Variants in SLX9 observed in about 807,000 individuals in gnomAD.
SLX9 encodes the protein SLX9 ribosome biogenesis factor.
A neutral mutation model predicts 20.8 loss-of-function variants in SLX9; 19 were observed. The observed-to-expected ratio is 0.91, with a 90% CI of 0.64 to 1.34. The LOEUF is 1.34. Among genes scored for constraint, SLX9 ranks in the 40% most tolerant of loss-of-function variants. The pLI is 0.00. For missense variants in SLX9, 299 were observed against 322.2 expected, an observed-to-expected ratio of 0.93 and a Z score of 0.55; for synonymous variants, 113 against 137.1, an observed-to-expected ratio of 0.82 and a Z score of 1.23.
chr21:44,958,864 T>C (rs2146647597), intron 2 of SLX9, among the ~76,000 whole-genome samples: 1 of 152,362 alleles, frequency 6.6e-6, no homozygotes, highest in Middle Eastern at 3.4e-3. Flanking sequence ...ATCACTGTGC[T>C]GTGTTCCTGA....
At chr21:44,974,753 A>G (rs2085231310) in intron 5 of SLX9, among the ~76,000 whole-genome samples, 1 of 152,056 alleles carries the variant, frequency 6.6e-6, no homozygotes, top group South Asian at 2.1e-4. Flanking sequence ...TTCTCTGTTT[A>G]TGAACTGAGT....
intron 5 of SLX9, among the ~76,000 whole-genome samples, chr21:44,974,268 T>C (rs1227080337): frequency 6.6e-6 from 1 of 152,216 alleles, no homozygotes; most frequent in African/African-American, 2.4e-5. Context: ...CCGAGGCCCA[T>C]TGTGCCTTTC....
At chr21:44,949,295 T>G (rs1220264008) in intron 2 of SLX9, among the ~76,000 whole-genome samples, 1 of 151,384 alleles carries the variant, frequency 6.6e-6, no homozygotes, top group Admixed American at 6.6e-5. Context: ...GATCAGGGAG[T>G]GGATTGTGGG....
intron 4 of SLX9, among the ~76,000 whole-genome samples, chr21:44,969,756 G>A (rs909684806): frequency 6.6e-6 from 1 of 152,140 alleles, no homozygotes; most frequent in Admixed American, 6.5e-5. Flanking sequence ...GTAATTAATA[G>A]TTAACTAAAG....
intron 2 of SLX9, among the ~76,000 whole-genome samples, chr21:44,955,361 G>C (rs1182784602): frequency 6.6e-6 from 1 of 152,204 alleles, no homozygotes; most frequent in Admixed American, 6.5e-5. Context: ...TCGCCCACCA[G>C]CGCTCCGAGG....
intron 2 of SLX9, among the ~76,000 whole-genome samples, chr21:44,959,837 C>T (rs2084922669): frequency 6.6e-6 from 1 of 152,198 alleles, no homozygotes; most frequent in Non-Finnish European, 1.5e-5. Flanking sequence ...GTTGGGACAC[C>T]TGCTTTCCGG....
intron 2 of SLX9, among the ~76,000 whole-genome samples, chr21:44,948,076 C>T (rs988468320): frequency 2.0e-5 from 3 of 152,274 alleles, no homozygotes; most frequent in African/African-American, 7.2e-5. Context: ...GCCTGGCAGC[C>T]GGCCGGGTGT....
intron 2 of SLX9, among the ~76,000 whole-genome samples, chr21:44,959,525 C>T (rs555201258): frequency 1.3e-5 from 2 of 152,314 alleles, no homozygotes; most frequent in South Asian, 2.1e-4. Context: ...GGCTGGGCTC[C>T]GCGTGGACCA....
intron 5 of SLX9, among the ~76,000 whole-genome samples, chr21:44,974,849 C>T (rs2085233138): frequency 1.3e-5 from 2 of 152,260 alleles, no homozygotes; most frequent in Admixed American, 1.3e-4. Context: ...GCCTCCCTCT[C>T]CGCCTCTCCC....
At chr21:44,942,945 G>A (rs1390977220) in intron 1 of SLX9, among the ~76,000 whole-genome samples, 1 of 152,090 alleles carries the variant, frequency 6.6e-6, no homozygotes, top group Non-Finnish European at 1.5e-5. Context: ...ACAGGGAGGG[G>A]GTTAATATGC....
At chr21:44,973,833 GC>G (rs1231614921) in intron 5 of SLX9, among the ~76,000 whole-genome samples, 2 of 152,198 alleles carry the variant, frequency 1.3e-5, no homozygotes, top group African/African-American at 4.8e-5. Flanking sequence ...CTCCAGGGGG[GC>G]TTTTCAGTGC....
At chr21:44,969,865 G>A (rs1317653127) in intron 4 of SLX9, among the ~76,000 whole-genome samples, 3 of 152,302 alleles carry the variant, frequency 2.0e-5, no homozygotes, top group Admixed American at 6.5e-5. Flanking sequence ...TGGCTCCCTC[G>A]GCCCGTCTTG....
At chr21:44,941,011 T>C (rs1777236220) in intron 1 of SLX9, among the ~76,000 whole-genome samples, 1 of 152,140 alleles carries the variant, frequency 6.6e-6, no homozygotes, top group Admixed American at 6.5e-5. Flanking sequence ...CAGAGGTGCT[T>C]TTGAACCTTT....
intron 1 of SLX9, among the ~76,000 whole-genome samples, chr21:44,942,019 ATCTC>A (rs1437150896): frequency 2.0e-5 from 3 of 152,220 alleles, no homozygotes; most frequent in African/African-American, 7.2e-5. Flanking sequence ...CTCAGGTGAC[ATCTC>A]TCTCTACTAG....
At chr21:44,940,260 G>C (rs1199698959) in intron 1 of SLX9, 74 bp downstream of exon 1, 2 of 1,195,076 alleles carry the variant, frequency 1.7e-6, no homozygotes, top group South Asian at 8.5e-5. Context: ...CGCCGCCTCC[G>C]GGAGGGTTCC....
At chr21:44,953,549 G>A (rs2084799802) in intron 2 of SLX9, among the ~76,000 whole-genome samples, 1 of 151,510 alleles carries the variant, frequency 6.6e-6, no homozygotes, top group Admixed American at 6.6e-5. Flanking sequence ...CACCATCCCC[G>A]GCGGTGGGGC....
chr21:44,968,808 C>T (rs2085087966), intron 4 of SLX9, among the ~76,000 whole-genome samples: 1 of 147,808 alleles, frequency 6.8e-6, no homozygotes, highest in Non-Finnish European at 1.5e-5. Flanking sequence ...GGCTGGAGTG[C>T]AGTGGCACGA....
chr21:44,962,356 G>A (rs1333892656), intron 3 of SLX9, among the ~76,000 whole-genome samples: 2 of 152,164 alleles, frequency 1.3e-5, no homozygotes, highest in Admixed American at 1.3e-4. Context: ...GGTAACAACT[G>A]CTGTGTCACC....
At chr21:44,962,681 G>A (rs2084966129) in intron 3 of SLX9, among the ~76,000 whole-genome samples, 2 of 152,174 alleles carry the variant, frequency 1.3e-5, no homozygotes, top group Non-Finnish European at 2.9e-5. Flanking sequence ...TTGGGTAAGT[G>A]CTGAGGAATG....
Sources: allele counts gnomAD v4.1 joint callset (sites outside exome capture counted in the v4.1 genomes callset), GRCh38; gene constraint gnomAD v4.1.1; transcripts MANE v1.5; gene names NCBI Gene and HGNC (gene_info 2026-07-23, HGNC 2026-07-21).